Variants in UBR2 observed in about 807,000 individuals in gnomAD.
UBR2 encodes E3 ubiquitin-protein ligase UBR2.
A neutral mutation model predicts 247.9 loss-of-function variants in UBR2; 92 were observed. The observed-to-expected ratio is 0.37, with a 90% CI of 0.31 to 0.44. UBR2 has a LOEUF of 0.44. UBR2 is among the 20% of genes least tolerant of loss of function. The pLI is 1.00. For missense variants in UBR2, 1,613 were observed against 2,112.6 expected (o/e 0.76, Z 4.64); for synonymous variants, 672 against 693.5 (o/e 0.97, Z 0.49).
rs201992278 is a variant in UBR2 at position 42,603,600 on chromosome 6, C to A, written c.544C>A (p.His182Asn). The A allele has an allele frequency of 1.2e-4, 186 of 1,555,334 alleles. 1 individual carries two copies. In the East Asian group the frequency reaches 4.2e-3, roughly 35 times the overall value. The change falls in exon 5 of 47, where the codon CAT becomes AAT. Residue 182 changes from histidine to asparagine, a missense_variant. Transcript: ENST00000372901. ...EIEEEEDPLV[H>N]LSEDVIARTY... ...TTGTTTCTTTCAGGATCCTCTTGTT[C>A]ATTTATCAGAAGATGTGATAGCAAG... is the stretch of plus-strand genomic sequence containing the variant.
At chr6:42,590,836 G>A (rs977478874) in intron 2 of UBR2, among the ~76,000 whole-genome samples, 1 of 152,168 alleles carries the variant, frequency 6.6e-6, no homozygotes, top group Admixed American at 6.5e-5. Context: ...TAATAAACTT[G>A]CTATCAAATA....
At position 42,678,622 on chromosome 6, in the gene UBR2, T is replaced by C. The variant is rs1486311216; in HGVS notation, c.4562T>C (p.Leu1521Ser). 1.9e-6 allele frequency: 3 copies of C among 1,613,548 alleles called. No homozygotes were observed. The South Asian group carries it at 3.3e-5, about 18-fold the overall frequency. The part of the protein sequence containing the change: ...GIMPFLKCSA[L>S]FFHYLNGVPS... ...ATGCCTTTCCTGAAGTGTTCTGCTT[T>C]ATTTTTTCATTACTTAAATGGAGTT... Residue 1521 changes from leucine (L) to serine (S), a missense_variant, in exon 41 of 47, where the codon TTA (leucine) becomes TCA (serine). Leu to Ser is a moderately radical substitution (Grantham distance 145, BLOSUM62 -2). This residue lies in a region of UBR2 where 1,524 missense variants were observed against 1,967.3 expected (regional missense o/e 0.77). Transcript: ENST00000372901.
At chr6:42,661,734 C>G (rs1291610408) in intron 30 of UBR2, among the ~76,000 whole-genome samples, 1 of 152,066 alleles carries the variant, frequency 6.6e-6, no homozygotes, top group African/African-American at 2.4e-5. Context: ...GTTAGGCAGT[C>G]TGTCCTCTAG....
intron 22 of UBR2, among the ~76,000 whole-genome samples, chr6:42,648,991 C>T (rs1796945048): frequency 6.6e-6 from 1 of 151,974 alleles, no homozygotes. Context: ...ACATAATATA[C>T]TTTGTCAGTA....
At chr6:42,571,736 C>CAAAAAAAAA (rs55993422) in intron 1 of UBR2, among the ~76,000 whole-genome samples, 2 of 82,152 alleles carry the variant, frequency 2.4e-5, no homozygotes, top group Non-Finnish European at 4.8e-5. Context: ...GCACGAGACT[C>CAAAAAAAAA]AAAAAAAAAA....
chr6:42,570,210 T>A lies in UBR2; in HGVS notation c.79-3524T>A, dbSNP rs1791026851. Among the ~76,000 whole-genome samples, 6 of 152,310 alleles carry A rather than the reference T, an allele frequency of 3.9e-5. No homozygotes were observed. The South Asian group carries it at 1.2e-3, about 32-fold the overall frequency. On this transcript the variant is annotated intron_variant, in intron 1 of 46. Transcript: ENST00000372901. ...AATAGAGCCCAAATCTTTTAGGTGA[T>A]TGTGATTTTTTCATATAATGGTAGT...
chr6:42,665,590 T>G (rs1798061376), intron 33 of UBR2, 78 bp downstream of exon 33: 1 of 1,172,756 alleles, frequency 8.5e-7, no homozygotes, highest in South Asian at 1.5e-5. Flanking sequence ...AGAAGTTGTT[T>G]AAAAGTGAAA....
At chr6:42,648,324 C>T (rs900711387) in intron 22 of UBR2, among the ~76,000 whole-genome samples, 154 bp downstream of exon 22, 1 of 152,210 alleles carries the variant, frequency 6.6e-6, no homozygotes, top group African/African-American at 2.4e-5. Context: ...AGATTTCTCA[C>T]TGACATTTCA....
At chr6:42,602,062 T>G (rs1390514100) in intron 4 of UBR2, among the ~76,000 whole-genome samples, 1 of 150,476 alleles carries the variant, frequency 6.6e-6, no homozygotes, top group African/African-American at 2.4e-5. Flanking sequence ...AGAGATGAGG[T>G]TTCACCACAT....
chr6:42,597,606 A>AG (rs1793061890), intron 4 of UBR2, among the ~76,000 whole-genome samples: 1 of 151,622 alleles, frequency 6.6e-6, no homozygotes, highest in Non-Finnish European at 1.5e-5. Context: ...TCCAAAAAAA[A>AG]AAAAAAGTTT....
chr6:42,686,189 C>T (rs949155379), intron 44 of UBR2, among the ~76,000 whole-genome samples: 7 of 151,878 alleles, frequency 4.6e-5, no homozygotes, highest in Admixed American at 2.0e-4. Context: ...AAGATGTGAA[C>T]AAAGGTCTCT....
At position 42,644,352 on chromosome 6, in the gene UBR2, A is replaced by G. The variant is rs544164049; in HGVS notation, c.2220+16A>G. 6.2e-7 allele frequency: 1 copy of G among 1,609,974 alleles called. No homozygotes were observed. The highest frequency in any genetic ancestry group is 2.2e-5 in the East Asian group (1 of 44,830). On this transcript the variant is annotated intron_variant, in intron 19 of 46. Coordinates refer to ENST00000372901, the MANE Select transcript of UBR2 (RefSeq NM_001363705.2). ...TACCCATAAGGTAAGAACGTGTTTTATGAAACCACAACACATTGCTAAAGA... is the reference window on the plus strand; with the variant it reads ...TACCCATAAGGTAAGAACGTGTTTTGTGAAACCACAACACATTGCTAAAGA...
intron 11 of UBR2, among the ~76,000 whole-genome samples, chr6:42,625,280 C>T (rs1795266467): frequency 1.3e-5 from 2 of 151,982 alleles, no homozygotes; most frequent in African/African-American, 4.8e-5. Flanking sequence ...CATGTTTTTT[C>T]TTGGGACTTT....
At chr6:42,687,751 G>A (rs1327931217) in intron 44 of UBR2, among the ~76,000 whole-genome samples, 1 of 152,068 alleles carries the variant, frequency 6.6e-6, no homozygotes, top group Non-Finnish European at 1.5e-5. Context: ...ATATTGGTCA[G>A]GCTGGTCTCA....
At chr6:42,646,465 T>TAATTCTCTAG (rs1447985848) in intron 21 of UBR2, among the ~76,000 whole-genome samples, 4 of 152,210 alleles carry the variant, frequency 2.6e-5, no homozygotes, top group Non-Finnish European at 5.9e-5. Context: ...TGTGCCCCAC[T>TAATTCTCTAG]GTATTATTTC....
chr6:42,617,529 G>A, intron 11 of UBR2, 22 bp downstream of exon 11: 1 of 1,545,900 alleles, frequency 6.5e-7, no homozygotes, highest in Admixed American at 2.0e-5. Context: ...AAGACTAGAA[G>A]AACTTTCTTG....
rs770338394 is a variant in UBR2, at chr6:42,666,172, G to A, written c.3808G>A (p.Ala1270Thr). The change falls in exon 34 of 47, where the codon GCC becomes ACC. Residue 1270 changes from alanine to threonine, a missense_variant. Coordinates refer to ENST00000372901, the MANE Select transcript of UBR2 (RefSeq NM_001363705.2). The part of the protein sequence containing the change: ...LRKEESTPNN[A>T]STKNSENVDE... ...TAAAATGCCTGTTTCTATAGATAAT[G>A]CCTCTACAAAGAATTCAGAAAATGT... 11 of 1,611,510 alleles carry A rather than the reference G, an allele frequency of 6.8e-6. No individual in the cohort carries two copies. The highest frequency in any genetic ancestry group is 3.3e-4 in the Middle Eastern group (2 of 6,020).
chr6:42,629,974 GCTGGCCTCGA>G (rs1218754231), intron 11 of UBR2, among the ~76,000 whole-genome samples: 1 of 151,938 alleles, frequency 6.6e-6, no homozygotes, highest in Non-Finnish European at 1.5e-5. Flanking sequence ...TGTTGCCCAG[GCTGGCCTCGA>G]AATCCTGAGC....
intron 8 of UBR2, among the ~76,000 whole-genome samples, chr6:42,614,328 G>A (rs200751485): frequency 1.4e-4 from 19 of 137,196 alleles, no homozygotes; most frequent in Admixed American, 2.2e-4. Flanking sequence ...GTATATATGT[G>A]TATATGTGTA....
Sources: gnomAD v4.1 joint callset for allele counts (sites outside exome capture counted in the v4.1 genomes callset) on GRCh38, gnomAD v4.1.1 for gene constraint, gnomAD v4.1.1 regional missense constraint, MANE v1.5 for transcripts, NCBI Gene and HGNC (gene_info 2026-07-23, HGNC 2026-07-21) for gene names.